Variants in TACC1 observed in about 807,000 individuals in gnomAD.
TACC1 encodes the protein transforming acidic coiled-coil containing protein 1, also known as transforming acidic coiled-coil-containing protein 1.
Under a neutral mutation model 84.4 loss-of-function variants are expected in TACC1, and 48 were observed. The ratio of observed to expected loss-of-function variants is 0.57; its 90% confidence interval spans 0.45 to 0.72. TACC1 has a LOEUF of 0.72. Among genes scored for constraint, TACC1 ranks in the 30% least tolerant of loss-of-function variants. The pLI is 0.00. For synonymous variants in TACC1, 372 were observed against 376.3 expected, an observed-to-expected ratio of 0.99 and a Z score of 0.13; for missense variants, 920 against 973.0, an observed-to-expected ratio of 0.95 and a Z score of 0.72.
intron 3 of TACC1, among the ~76,000 whole-genome samples, chr8:38,762,111 AAGAT>A (rs2151821214): frequency 6.6e-6 from 1 of 152,364 alleles, no homozygotes; most frequent in South Asian, 2.1e-4. Context: ...ATTAAAAAGT[AAGAT>A]AGATACTCTA....
At chr8:38,745,743 C>T (rs1020723220) in intron 3 of TACC1, among the ~76,000 whole-genome samples, 1 of 152,136 alleles carries the variant, frequency 6.6e-6, no homozygotes, top group Non-Finnish European at 1.5e-5. Context: ...AGGGTTTCAC[C>T]ATATTGGTCA....
Position 38,848,036 on chromosome 8 carries a change from G to T in TACC1, c.*13G>T. The T allele has an allele frequency of 6.2e-7, 1 of 1,610,752 alleles. No homozygotes were observed. Among genetic ancestry groups the T allele is most frequent in the Non-Finnish European group, 8.5e-7 (1 of 1,178,098 alleles). ...AAAGACTGACTGAGACACTCCCCCT[G>T]TTAGCTCAACAGATCTGCATTTGGC... On this transcript the variant is annotated 3_prime_UTR_variant, in exon 13 of 13. Coordinates refer to ENST00000317827, the MANE Select transcript of TACC1 (RefSeq NM_006283.3).
At chr8:38,814,815 C>A (rs1457099719) in intron 2 of TACC1, among the ~76,000 whole-genome samples, 1 of 152,198 alleles carries the variant, frequency 6.6e-6, no homozygotes, top group African/African-American at 2.4e-5. Context: ...AACAAACCCA[C>A]AGCAAATGAA....
chr8:38,757,666 G>T (rs912950189), intron 3 of TACC1, among the ~76,000 whole-genome samples: 1 of 152,004 alleles, frequency 6.6e-6, no homozygotes, highest in Admixed American at 6.5e-5. Flanking sequence ...CCCAGTACAC[G>T]CTGTACTGGG....
At chr8:38,753,666 ACTTCC>A (rs1809432933) in intron 3 of TACC1, among the ~76,000 whole-genome samples, 1 of 152,160 alleles carries the variant, frequency 6.6e-6, no homozygotes. Flanking sequence ...CAAAGACAAC[ACTTCC>A]CTTCACTGTG....
chr8:38,781,578 G>C (rs1053221594), intron 3 of TACC1, among the ~76,000 whole-genome samples: 1 of 151,848 alleles, frequency 6.6e-6, no homozygotes, highest in Non-Finnish European at 1.5e-5. Context: ...ACGGGGTTTC[G>C]CCGTGTTGGC....
At chr8:38,793,032 A>G (rs973795259) in intron 2 of TACC1, among the ~76,000 whole-genome samples, 4 of 152,072 alleles carry the variant, frequency 2.6e-5, no homozygotes, top group Admixed American at 6.6e-5. Flanking sequence ...CCCTTCCCCA[A>G]ACACACACAC....
intron 3 of TACC1, among the ~76,000 whole-genome samples, chr8:38,775,965 G>A (rs1372594456): frequency 6.6e-6 from 1 of 152,178 alleles, no homozygotes; most frequent in Non-Finnish European, 1.5e-5. Context: ...TATTTTGTGT[G>A]TGTGCTAGAA....
Position 38,787,310 on chromosome 8 carries a change from A to G in TACC1, c.-273A>G. On this transcript the variant is annotated 5_prime_UTR_variant, in exon 1 of 13. Transcript: ENST00000317827. ...CGCGGGCCGGGGGCCTGAGGAGGCC[A>G]CAGGACGGGCGTCTTCCCGGCTAGT... The G allele has an allele frequency of 2.5e-6, 3 of 1,198,832 alleles. No individual in the cohort carries two copies. The highest frequency in any genetic ancestry group is 3.1e-6 in the Non-Finnish European group (3 of 964,654). 74.3% of individuals were successfully genotyped at this position (1,198,832 alleles called of 1,614,324 possible).
intron 3 of TACC1, among the ~76,000 whole-genome samples, chr8:38,756,509 G>T (rs144088435): frequency 2.2e-4 from 34 of 152,260 alleles, no homozygotes; most frequent in Non-Finnish European, 4.6e-4. Flanking sequence ...AAAGGGAGTT[G>T]CTAGGTGTAG....
rs1162539189 is a variant in TACC1, at chr8:38,793,719, T to G, written c.277+4900T>G. The stretch of plus-strand genomic sequence containing the variant: ...ACCTCAGCCTCCCAAAATGCTGGGA[T>G]TTCAGGTTTGAACCACCACTGTCAT... On this transcript the variant is annotated intron_variant, in intron 2 of 12. Transcript: ENST00000317827. Among the ~76,000 whole-genome samples, 4 of 152,280 alleles carry G rather than the reference T, an allele frequency of 2.6e-5. 1 individual carries two copies. The highest frequency in any genetic ancestry group is 6.5e-5 in the Admixed American group (1 of 15,294).
At chr8:38,749,948 A>G (rs538138787) in intron 3 of TACC1, among the ~76,000 whole-genome samples, 4 of 152,348 alleles carry the variant, frequency 2.6e-5, no homozygotes, top group African/African-American at 9.6e-5. Context: ...AATTAATAGA[A>G]TAAAGACAAA....
intron 1 of TACC1, chr8:38,787,996 C>T (rs1817691984): frequency 4.0e-6 from 2 of 498,806 alleles, no homozygotes; most frequent in East Asian, 7.4e-5. Context: ...CGCATCCCCG[C>T]TGGCCTCGGT....
Position 38,787,757 on chromosome 8 carries a change from G to T in TACC1, c.161+14G>T. ...CTTGAGTTTCAGGCAAGTACACGGC[G>T]TCCCCGCTGAGATGCAGACGCGCTT... On this transcript the variant is annotated intron_variant, in intron 1 of 12. Transcript: ENST00000317827. 3.3e-6 allele frequency: 5 copies of T among 1,512,954 alleles called. No individual in the cohort carries two copies. Among genetic ancestry groups the T allele is most frequent in the Non-Finnish European group, 4.4e-6 (5 of 1,139,190 alleles). The allele number at this position is 1,512,954 out of a possible 1,614,324, so 93.7% of individuals were successfully genotyped here. A position where few individuals can be genotyped will look rare whatever the true frequency, so the allele number is the denominator to read the frequency against.
At chr8:38,742,166 A>C (rs1807192345) in intron 1 of TACC1, among the ~76,000 whole-genome samples, 1 of 152,154 alleles carries the variant, frequency 6.6e-6, no homozygotes, top group Non-Finnish European at 1.5e-5. Context: ...AGGAACAAAG[A>C]CTTTTTTTTG....
chr8:38,730,935 T>G (rs1804807631), intron 1 of TACC1, among the ~76,000 whole-genome samples: 1 of 152,128 alleles, frequency 6.6e-6, no homozygotes, highest in Admixed American at 6.5e-5. Flanking sequence ...TTGTTTTATT[T>G]TTTAGATACA....
intron 4 of TACC1, among the ~76,000 whole-genome samples, chr8:38,826,238 T>G (rs1287211857): frequency 1.3e-5 from 2 of 152,192 alleles, no homozygotes; most frequent in Admixed American, 6.5e-5. Context: ...TTATTTTTCA[T>G]CTGTTAACAA....
At chr8:38,817,385 T>G (rs1825672755) in intron 2 of TACC1, among the ~76,000 whole-genome samples, 1 of 152,220 alleles carries the variant, frequency 6.6e-6, no homozygotes, top group Non-Finnish European at 1.5e-5. Flanking sequence ...TAAGTGAAAT[T>G]GTCAGTACAG....
At chr8:38,748,388 A>G (rs1808437620) in intron 3 of TACC1, among the ~76,000 whole-genome samples, 1 of 152,188 alleles carries the variant, frequency 6.6e-6, no homozygotes, top group South Asian at 2.1e-4. Context: ...AGAAGTTGAT[A>G]GAGTAACCAA....
Sources: allele counts gnomAD v4.1 joint callset (sites outside exome capture counted in the v4.1 genomes callset), GRCh38; gene constraint gnomAD v4.1.1; transcripts MANE v1.5; gene names NCBI Gene and HGNC (gene_info 2026-07-23, HGNC 2026-07-21).